The following PRDX1 variants were observed in gnomAD, a reference collection of about 807,000 sequenced individuals.
PRDX1 encodes the protein peroxiredoxin 1, also known as peroxiredoxin-1.
PRDX1 carries 19 observed loss-of-function variants against 20.7 expected under a neutral mutation model. The ratio of observed to expected loss-of-function variants is 0.92; its 90% CI spans 0.64 to 1.35. The LOEUF (loss-of-function observed/expected upper bound fraction) is 1.35. Ranked by LOEUF, PRDX1 falls within the 40% of genes most tolerant of loss-of-function variation. PRDX1 has a pLI of 0.00. For synonymous variants in PRDX1, 89 were observed against 83.9 expected (o/e 1.06, Z -0.33); for missense variants, 226 against 240.0 (o/e 0.94, Z 0.38).
intron 1 of PRDX1, among the ~76,000 whole-genome samples, chr1:45,520,723 C>CAAA (rs71052895): frequency 5.4e-4 from 31 of 57,474 alleles, no homozygotes; most frequent in African/African-American, 8.7e-4. Context: ...GACTCCGTCT[C>CAAA]AAAAAAAAAA....
Position 45,515,705 on chromosome 1 carries a change from T to A in PRDX1, c.209A>T (p.Asn70Ile). 1 of 1,607,362 alleles carries A rather than the reference T, an allele frequency of 6.2e-7. No homozygotes were observed. The highest frequency in any genetic ancestry group is 2.3e-5 in the East Asian group (1 of 44,286). Residue 70 changes from asparagine to isoleucine, a missense_variant, in exon 3 of 6, where the codon AAC becomes ATC. By Grantham distance (149) the Asn-to-Ile change is moderately radical (BLOSUM62 -3). Coordinates refer to ENST00000319248, the MANE Select transcript of PRDX1 (RefSeq NM_181697.3). ...SDRAEEFKKLNCQVIGASVDS... is the reference protein window; with the variant it reads ...SDRAEEFKKLICQVIGASVDS... Reference sequence around the variant, plus strand: ...CACAGAAGCACCAATCACTTGGCAGTTGAGTTTCTTAAATTCTTCTGCCCT... The same window carrying A: ...CACAGAAGCACCAATCACTTGGCAGATGAGTTTCTTAAATTCTTCTGCCCT...
intron 2 of PRDX1, 68 bp downstream of exon 2, chr1:45,518,870 A>T: frequency 7.3e-7 from 1 of 1,361,286 alleles, no homozygotes; most frequent in East Asian, 2.3e-5. Flanking sequence ...CATTGACACA[A>T]ATCTAACAAG....
intron 3 of PRDX1, among the ~76,000 whole-genome samples, chr1:45,515,378 T>C (rs1643838907): frequency 6.6e-6 from 1 of 152,058 alleles, no homozygotes; most frequent in Admixed American, 6.6e-5. Context: ...GGTGGGCAGA[T>C]CACGAGGTCA....
At position 45,521,229 on chromosome 1, in the gene PRDX1, G is replaced by A. The variant is rs1643910217; in HGVS notation, c.-12+600C>T. 2.0e-5 allele frequency among the ~76,000 whole-genome samples: 3 copies of A among 152,180 alleles called. No homozygotes were observed. In the South Asian group the frequency reaches 6.2e-4, roughly 32 times the overall value. On this transcript the variant is annotated intron_variant, in intron 1 of 5. Coordinates refer to ENST00000319248, the MANE Select transcript of PRDX1 (RefSeq NM_181697.3). ...CGGGCCCCTTCAGGGGATCTGCCCA[G>A]CGTAGAGGGCCACATCCCTAAACCC...
chr1:45,515,966 T>C (rs1643855720), intron 2 of PRDX1, among the ~76,000 whole-genome samples, 159 bp from the exon 3 acceptor site: 1 of 152,226 alleles, frequency 6.6e-6, no homozygotes, highest in Non-Finnish European at 1.5e-5. Flanking sequence ...TAGAACCTGG[T>C]GCATTAGGAA....
In PRDX1 at chr1:45,515,937, G is replaced by C; in HGVS notation, c.107-130C>G. 3 of 901,612 alleles carry C rather than the reference G, an allele frequency of 3.3e-6. No homozygotes were observed. The South Asian group carries it at 6.3e-5, about 19-fold the overall frequency. 55.9% of individuals were successfully genotyped at this position (901,612 alleles called of 1,614,324 possible). Reference sequence around the variant, plus strand: ...AACTGCCAAGATGCTCAATACAGATGTCTCCTAGAAGCTACTTTTAGAACC... The same window carrying C: ...AACTGCCAAGATGCTCAATACAGATCTCTCCTAGAAGCTACTTTTAGAACC... On this transcript the variant is annotated intron_variant, in intron 2 of 5. Coordinates refer to ENST00000319248, the MANE Select transcript of PRDX1 (RefSeq NM_181697.3).
upstream of PRDX1, chr1:45,522,787 C>T (rs183188504): frequency 6.6e-6 from 1 of 152,324 alleles, no homozygotes. Flanking sequence ...CCCTGTCGCC[C>T]AGGCTGTAGT....
At chr1:45,517,283 G>C (rs901326256) in intron 2 of PRDX1, among the ~76,000 whole-genome samples, 5 of 152,122 alleles carry the variant, frequency 3.3e-5, no homozygotes, top group Admixed American at 2.0e-4. Flanking sequence ...GATTATGTCA[G>C]GAAACCTAGT....
chr1:45,517,538 T>C (rs1643871909), intron 2 of PRDX1, among the ~76,000 whole-genome samples: 1 of 152,046 alleles, frequency 6.6e-6, no homozygotes, highest in African/African-American at 2.4e-5. Flanking sequence ...TCCCAGAACT[T>C]TGGGAGGCCA....
rs113451512 is a variant in PRDX1 at position 45,511,078 on chromosome 1, A to G, written c.*251T>C. On this transcript the variant is annotated 3_prime_UTR_variant, in exon 6 of 6. Transcript: ENST00000319248. The stretch of plus-strand genomic sequence containing the variant: ...TCAGTTCAAGTTTAATACAAACTAC[A>G]AAAGATTAATGGGTTGCTCTACTAA... 5.0e-5 allele frequency: 17 copies of G among 341,660 alleles called. No individual in the cohort carries two copies. The highest frequency in any genetic ancestry group is 3.4e-4 in the African/African-American group (16 of 47,464). 21.2% of individuals were successfully genotyped at this position (341,660 alleles called of 1,614,324 possible).
chr1:45,511,165 G>C lies in PRDX1; in HGVS notation c.*164C>G. ...ACTCAGGCCATTCCTACCAAAGGAA[G>C]AAAGGCTGGTCTCTCCACCCCCTGT... On this transcript the variant is annotated 3_prime_UTR_variant, in exon 6 of 6. Transcript: ENST00000319248. 1 of 602,430 alleles carries C rather than the reference G, an allele frequency of 1.7e-6. No individual in the cohort carries two copies. Among genetic ancestry groups the C allele is most frequent in the South Asian group, 2.5e-5 (1 of 40,076 alleles). 37.3% of individuals were successfully genotyped at this position (602,430 alleles called of 1,614,324 possible).
chr1:45,517,758 G>T (rs965705911), intron 2 of PRDX1, among the ~76,000 whole-genome samples: 3 of 145,436 alleles, frequency 2.1e-5, no homozygotes, highest in African/African-American at 7.7e-5. Context: ...CTCTAGCCTG[G>T]GCGACAAAGC....
chr1:45,516,318 C>A (rs1364600140), intron 2 of PRDX1, among the ~76,000 whole-genome samples: 1 of 152,182 alleles, frequency 6.6e-6, no homozygotes, highest in Non-Finnish European at 1.5e-5. Flanking sequence ...TCCTAACGTG[C>A]CTGACAGGAC....
chr1:45,511,445 C>T, intron 5 of PRDX1, 31 bp from the exon 6 acceptor site: 1 of 1,577,848 alleles, frequency 6.3e-7, no homozygotes, highest in Non-Finnish European at 8.7e-7. Context: ...TAATTAATAA[C>T]CTTCTCAATG....
At chr1:45,518,811 C>G (rs1180355065) in intron 2 of PRDX1, 127 bp downstream of exon 2, 1 of 841,572 alleles carries the variant, frequency 1.2e-6, no homozygotes, top group Non-Finnish European at 1.9e-6. Context: ...ATGAAGGTAA[C>G]AACCTAAATA....
In PRDX1 at chr1:45,518,958, A is replaced by T. The variant is rs757537006; in HGVS notation, c.86T>A (p.Ile29Asn). 2 of 1,604,260 alleles carry T rather than the reference A, an allele frequency of 1.2e-6. No homozygotes were observed. The highest frequency in any genetic ancestry group is 1.3e-5 in the African/African-American group (1 of 74,530). ...CTCACCTTTGTAGTCAGACAGGCTG[A>T]TATCTTTAAACTGACCATCTGGCAT... Reference protein sequence around the residue: ...AVMPDGQFKDISLSDYKGKYV... With the variant: ...AVMPDGQFKDNSLSDYKGKYV... The change falls in exon 2 of 6, where the codon ATC (isoleucine) becomes AAC (asparagine). Residue 29 changes from isoleucine to asparagine, a missense_variant. Physicochemically the swap from Ile to Asn is moderately radical, Grantham distance 149. Coordinates refer to ENST00000319248, the MANE Select transcript of PRDX1 (RefSeq NM_181697.3).
chr1:45,518,914 T>G, intron 2 of PRDX1, 24 bp downstream of exon 2: 1 of 1,527,398 alleles, frequency 6.5e-7, no homozygotes, highest in South Asian at 1.2e-5. Flanking sequence ...TCCATCTCAA[T>G]GAGCCCAGTG....
At chr1:45,517,512 T>C (rs983549609) in intron 2 of PRDX1, among the ~76,000 whole-genome samples, 1 of 152,200 alleles carries the variant, frequency 6.6e-6, no homozygotes, top group Non-Finnish European at 1.5e-5. Context: ...CCGGGCGCAG[T>C]GGCTCACGCC....
intron 5 of PRDX1, among the ~76,000 whole-genome samples, chr1:45,513,943 A>C (rs1643807517): frequency 6.6e-6 from 1 of 152,128 alleles, no homozygotes; most frequent in Non-Finnish European, 1.5e-5. Context: ...GCTAAGGAGG[A>C]TTAGTAAAAG....
Sources: allele counts gnomAD v4.1 joint callset (sites outside exome capture counted in the v4.1 genomes callset), GRCh38; gene constraint gnomAD v4.1.1; transcripts MANE v1.5; gene names NCBI Gene and HGNC (gene_info 2026-07-23, HGNC 2026-07-21).